FAM185A: variants seen among roughly 807,000 people sequenced by gnomAD.
FAM185A encodes the protein protein FAM185A.
A neutral mutation model predicts 45.7 loss-of-function variants in FAM185A; 21 were observed. The ratio of observed to expected loss-of-function variants is 0.46; its 90% CI spans 0.33 to 0.66. The LOEUF (loss-of-function observed/expected upper bound fraction) is 0.66. FAM185A is among the 30% of genes least tolerant of loss of function. The pLI is 0.03. For synonymous variants in FAM185A, 117 were observed against 194.0 expected (o/e 0.60, Z 3.30); for missense variants, 305 against 485.4 (o/e 0.63, Z 3.49).
the FAM185A span, among the ~76,000 whole-genome samples, chr7:102,838,745 G>C: frequency 1.3e-5 from 2 of 152,158 alleles, no homozygotes; most frequent in Non-Finnish European, 2.9e-5. Context: ...GCAGTATGCT[G>C]GGTAAAAGTC....
At chr7:102,843,872 ATG>A in the FAM185A span, among the ~76,000 whole-genome samples, 4 of 152,338 alleles carry the variant, frequency 2.6e-5, no homozygotes, top group African/African-American at 9.6e-5. Flanking sequence ...GAAGAGGACA[ATG>A]AGAGAAGTGG....
the FAM185A span, among the ~76,000 whole-genome samples, chr7:102,830,942 T>C: frequency 1.4e-4 from 21 of 152,228 alleles, no homozygotes; most frequent in Non-Finnish European, 2.8e-4. Flanking sequence ...TGGTAATCCT[T>C]TTGTTCACGA....
At chr7:102,835,914 A>G in the FAM185A span, among the ~76,000 whole-genome samples, 2 of 152,196 alleles carry the variant, frequency 1.3e-5, no homozygotes, top group African/African-American at 4.8e-5. Flanking sequence ...CGGCCCCGAC[A>G]TTGTTTTTCC....
intron 6 of FAM185A, among the ~76,000 whole-genome samples, chr7:102,786,899 C>T (rs998177138): frequency 6.6e-6 from 1 of 151,090 alleles, no homozygotes; most frequent in Non-Finnish European, 1.5e-5. Context: ...CTAGTGGGAG[C>T]TTGAGCAAGT....
intron 7 of FAM185A, among the ~76,000 whole-genome samples, chr7:102,797,445 C>T (rs568575375): frequency 1.2e-4 from 18 of 152,238 alleles, no homozygotes; most frequent in African/African-American, 4.1e-4. Context: ...CACTGCACTC[C>T]AGCCTGAGTG....
chr7:102,827,120 G>T, the FAM185A span: 1 of 454,254 alleles, frequency 2.2e-6, no homozygotes, highest in African/African-American at 2.0e-5. Context: ...ATTCTTCTGA[G>T]CCAGGCCTCA....
At chr7:102,789,497 T>C (rs1359048004) in intron 7 of FAM185A, among the ~76,000 whole-genome samples, 2 of 152,170 alleles carry the variant, frequency 1.3e-5, no homozygotes, top group Non-Finnish European at 2.9e-5. Flanking sequence ...TCGTTTGAGG[T>C]CAGGAGTTCG....
chr7:102,757,701 T>C (rs1793838941), intron 2 of FAM185A, among the ~76,000 whole-genome samples, 153 bp from the exon 3 acceptor site: 1 of 152,232 alleles, frequency 6.6e-6, no homozygotes, highest in South Asian at 2.1e-4. Context: ...TTCCAGTTGA[T>C]GTCATTATTC....
the FAM185A span, among the ~76,000 whole-genome samples, chr7:102,846,615 C>A: frequency 1.7e-3 from 210 of 122,266 alleles, no homozygotes; most frequent in African/African-American, 1.9e-3. Context: ...GACTCAGTCT[C>A]AAAAAAAAAA....
chr7:102,801,183 A>G (rs1796768463), intron 7 of FAM185A, among the ~76,000 whole-genome samples: 1 of 152,188 alleles, frequency 6.6e-6, no homozygotes, highest in Non-Finnish European at 1.5e-5. Flanking sequence ...TGCTGAGAGA[A>G]TTCACCACTA....
Position 102,749,160 on chromosome 7 carries a change from C to G in FAM185A, c.-48C>G, listed in dbSNP as rs934545465. 3.9e-6 allele frequency: 6 copies of G among 1,550,392 alleles called. No individual in the cohort carries two copies. The African/African-American group carries it at 8.2e-5, about 21-fold the overall frequency. On this transcript the variant is annotated 5_prime_UTR_variant, in exon 1 of 8. Coordinates refer to ENST00000413034, the MANE Select transcript of FAM185A (RefSeq NM_001145268.2). ...CAAGTCGATTGGCCGTGGCAAGTGA[C>G]CCTCCCTGTGGCTGAAGTGTTCTGA...
At chr7:102,826,724 C>CTCATATAT in the FAM185A span, among the ~76,000 whole-genome samples, 6 of 62,732 alleles carry the variant, frequency 9.6e-5, no homozygotes, top group African/African-American at 2.3e-4. Context: ...GACCCTGTCT[C>CTCATATAT]ATATATATAT....
chr7:102,792,704 G>C (rs1369183506), intron 7 of FAM185A, among the ~76,000 whole-genome samples: 2 of 136,448 alleles, frequency 1.5e-5, no homozygotes, highest in Non-Finnish European at 3.1e-5. Context: ...TAGCACTACT[G>C]GGTTTACCTC....
intron 6 of FAM185A, among the ~76,000 whole-genome samples, chr7:102,786,506 G>A (rs374518040): frequency 6.6e-6 from 1 of 152,052 alleles, no homozygotes; most frequent in Non-Finnish European, 1.5e-5. Flanking sequence ...CCATAAAAAA[G>A]GATGAGTTCA....
At chr7:102,787,517 A>G in intron 7 of FAM185A, 48 bp downstream of exon 7, 2 of 1,365,666 alleles carry the variant, frequency 1.5e-6, no homozygotes, top group Non-Finnish European at 1.9e-6. Context: ...CATTCTCCAT[A>G]CATAAGTAGA....
intron 2 of FAM185A, among the ~76,000 whole-genome samples, chr7:102,756,712 G>A (rs1419108049): frequency 1.4e-5 from 2 of 142,694 alleles, no homozygotes; most frequent in African/African-American, 5.3e-5. Context: ...TATAATATGA[G>A]TTTATTTCTT....
At chr7:102,803,461 G>A (rs1308541382) in intron 7 of FAM185A, among the ~76,000 whole-genome samples, 1 of 152,142 alleles carries the variant, frequency 6.6e-6, no homozygotes, top group Non-Finnish European at 1.5e-5. Flanking sequence ...TGCAGAAAAA[G>A]CATTAGACAA....
intron 4 of FAM185A, among the ~76,000 whole-genome samples, chr7:102,771,853 C>T (rs990713639): frequency 9.2e-5 from 14 of 152,282 alleles, no homozygotes; most frequent in South Asian, 2.1e-4. Flanking sequence ...TTCACTAAGA[C>T]GGAAATCTTT....
chr7:102,765,005 C>T (rs1393780152), intron 4 of FAM185A, among the ~76,000 whole-genome samples: 1 of 152,248 alleles, frequency 6.6e-6, no homozygotes, highest in Non-Finnish European at 1.5e-5. Flanking sequence ...GCCCCTTTTA[C>T]TTAATGAACA....
Sources: allele counts gnomAD v4.1 joint callset (sites outside exome capture counted in the v4.1 genomes callset), GRCh38; gene constraint gnomAD v4.1.1; transcripts MANE v1.5; gene names NCBI Gene and HGNC (gene_info 2026-07-23, HGNC 2026-07-21).